SLC35E4: variants seen among roughly 807,000 people sequenced by gnomAD.
SLC35E4 encodes solute carrier family 35, member E4.
SLC35E4 carries 15 observed loss-of-function variants against 19.3 expected under a neutral mutation model. The ratio of observed to expected loss-of-function variants is 0.78; its 90% CI spans 0.52 to 1.20. The LOEUF is 1.20. Among genes scored for constraint, SLC35E4 ranks in the 50% most tolerant of loss-of-function variants. The pLI is 0.00. For missense variants in SLC35E4, 406 were observed against 472.3 expected (o/e 0.86, Z 1.30); for synonymous variants, 219 against 219.9 (o/e 1.00, Z 0.04).
At position 30,655,241 on chromosome 22, in the gene SLC35E4, A is replaced by G. The variant is rs1256828428; in HGVS notation, c.*8+5988A>G. On this transcript the variant is annotated intron_variant, in intron 2 of 2. Coordinates refer to the SLC35E4 transcript ENST00000406566. ...GAGGCTGAGAAAGGTGGATGGCTAGAGCCCAGGAGTTCCAGACCCATCTGG... is the reference window on the plus strand; with the variant it reads ...GAGGCTGAGAAAGGTGGATGGCTAGGGCCCAGGAGTTCCAGACCCATCTGG... 2.0e-5 allele frequency among the ~76,000 whole-genome samples: 3 copies of G among 151,108 alleles called. No individual in the cohort carries two copies. In the Admixed American group the frequency reaches 2.0e-4, roughly 10 times the overall value.
chr22:30,657,523 C>G (rs1251595639), intron 2 of SLC35E4, among the ~76,000 whole-genome samples: 1 of 151,114 alleles, frequency 6.6e-6, no homozygotes, highest in African/African-American at 2.4e-5. Context: ...CTTTGGGAAG[C>G]AAAGACAGGT....
chr22:30,650,685 T>C (rs1280436442), downstream of SLC35E4, among the ~76,000 whole-genome samples: 1 of 152,088 alleles, frequency 6.6e-6, no homozygotes, highest in African/African-American at 2.4e-5. Flanking sequence ...GACAAAGGCC[T>C]AGGAAGGCCT....
Position 30,636,503 on chromosome 22 carries a change from T to C in SLC35E4, c.53T>C (p.Val18Ala), listed in dbSNP as rs557398990. 249 of 1,537,300 alleles carry C rather than the reference T, an allele frequency of 1.6e-4. 1 individual carries two copies. Among genetic ancestry groups the C allele is most frequent in the Middle Eastern group, 7.1e-4 (4 of 5,614 alleles). Residue 18 changes from valine (V) to alanine (A), a missense_variant, in exon 1 of 2, where the codon GTA becomes GCA. Physicochemically the swap from Val to Ala is moderately conservative, Grantham distance 64. Transcript: ENST00000343605. ...GATGGCAGGATGACCTCAGCCGAAG[T>C]AGGAGCAGCAGCTGGTGGTGCTCAG... Reference protein sequence around the residue: ...HHDGRMTSAEVGAAAGGAQAA... With the variant: ...HHDGRMTSAEAGAAAGGAQAA...
intron 1 of SLC35E4, among the ~76,000 whole-genome samples, chr22:30,639,862 T>C (rs1018156341): frequency 6.6e-6 from 1 of 152,114 alleles, no homozygotes; most frequent in Non-Finnish European, 1.5e-5. Flanking sequence ...CATCACAGGG[T>C]CCTGAGGCGA....
Position 30,646,737 on chromosome 22 carries a change from C to A in SLC35E4, c.759C>A (p.Arg253=), listed in dbSNP as rs975433606. Residue 253 remains arginine (R), a synonymous_variant, in exon 2 of 2, where the codon CGC becomes CGA. Coordinates refer to ENST00000343605, the MANE Select transcript of SLC35E4 (RefSeq NM_001001479.4). ...CACCGCCCACTGCTGGCGACTCTCG[C>A]CTCTGGGCCTGCATCCTGCTCAGCT... ...VAPPPTAGDS[R]LWACILLSCL... is the part of the protein sequence containing the mutation. 1.4e-5 allele frequency: 23 copies of A among 1,613,436 alleles called. No individual in the cohort carries two copies. The highest frequency in any genetic ancestry group is 1.8e-5 in the Non-Finnish European group (21 of 1,179,902).
chr22:30,658,592 A>G (rs1483834543), intron 2 of SLC35E4, among the ~76,000 whole-genome samples: 1 of 151,924 alleles, frequency 6.6e-6, no homozygotes, highest in Non-Finnish European at 1.5e-5. Flanking sequence ...AAGCAGGGAG[A>G]CTAAAGGACC....
At chr22:30,658,321 T>C (rs1466032578) in intron 2 of SLC35E4, among the ~76,000 whole-genome samples, 1 of 150,978 alleles carries the variant, frequency 6.6e-6, no homozygotes, top group East Asian at 2.0e-4. Context: ...GGAGGATCAC[T>C]TGAGGCCAGG....
Position 30,645,819 on chromosome 22 carries a change from AT to A in SLC35E4, c.620-760del, listed in dbSNP as rs1179064724. On this transcript the variant is annotated intron_variant, in intron 1 of 1. Transcript: ENST00000343605. ...AGGCATAAGCCACTGTACCTGACCG[AT>A]TTTTTTTTTTTTTTTTTTAAGACAG... Among the ~76,000 whole-genome samples, 760 of 122,780 alleles carry A rather than the reference AT, an allele frequency of 6.2e-3. 3 individuals carry two copies. The highest frequency in any genetic ancestry group is 9.2e-3 in the Middle Eastern group (2 of 218). The allele number at this position is 122,780 out of a possible 152,430, so 80.5% of individuals were successfully genotyped here.
At chr22:30,651,168 C>A (rs2088202214), downstream of SLC35E4, among the ~76,000 whole-genome samples, 1 of 151,598 alleles carries the variant, frequency 6.6e-6, no homozygotes, top group Non-Finnish European at 1.5e-5. Flanking sequence ...TAATGGAGGA[C>A]CACGAGAGGT....
intron 2 of SLC35E4, chr22:30,654,675 CT>C: frequency 2.3e-6 from 1 of 428,954 alleles, no homozygotes; most frequent in Non-Finnish European, 4.5e-6. Flanking sequence ...ACTTCAACTT[CT>C]TTCTATAGAC....
chr22:30,651,503 C>T (rs1032321006), downstream of SLC35E4, among the ~76,000 whole-genome samples: 1 of 131,368 alleles, frequency 7.6e-6, no homozygotes, highest in African/African-American at 3.0e-5. Context: ...TGGTCTTGAA[C>T]TCCTGACCTC....
At chr22:30,637,194 G>A (rs1424651137) in intron 1 of SLC35E4, 125 bp downstream of exon 1, 10 of 1,398,488 alleles carry the variant, frequency 7.2e-6, no homozygotes, top group Non-Finnish European at 8.5e-6. Context: ...CATGGCTGTG[G>A]AGGAAGCAGA....
rs1177828431 is a variant in SLC35E4, at chr22:30,647,502, G to A, written c.*471G>A. 6.3e-6 allele frequency: 1 copy of A among 159,934 alleles called. No individual in the cohort carries two copies. The highest frequency in any genetic ancestry group is 1.4e-5 in the Non-Finnish European group (1 of 73,442). 9.9% of individuals were successfully genotyped at this position (159,934 alleles called of 1,614,324 possible). ...GGGCTGCCTTGGAGATTGGAATGGG[G>A]ACTCCCAGGGAGACCTGCGTTCCAT... On this transcript the variant is annotated 3_prime_UTR_variant, in exon 2 of 2. Coordinates refer to ENST00000343605, the MANE Select transcript of SLC35E4 (RefSeq NM_001001479.4).
At chr22:30,649,486 G>T (rs560557598), downstream of SLC35E4, among the ~76,000 whole-genome samples, 1 of 128,884 alleles carries the variant, frequency 7.8e-6, no homozygotes, top group Non-Finnish European at 1.7e-5. Flanking sequence ...GCCAGCCCAC[G>T]GCGGGGTGGG....
intron 1 of SLC35E4, among the ~76,000 whole-genome samples, chr22:30,643,636 G>T (rs116589091): frequency 3.2e-4 from 48 of 152,236 alleles, no homozygotes; most frequent in Admixed American, 2.6e-3. Context: ...ATCACACAGG[G>T]CATCAGGCCC....
At chr22:30,654,072 C>T (rs986541237) in intron 2 of SLC35E4, 17 of 179,292 alleles carry the variant, frequency 9.5e-5, no homozygotes, top group Admixed American at 2.4e-4. Flanking sequence ...CTCCGCCCCA[C>T]GGGTTCACGC....
chr22:30,667,729 A>G (rs2088730001), downstream of SLC35E4: 1 of 152,748 alleles, frequency 6.5e-6, no homozygotes, highest in South Asian at 2.1e-4. Flanking sequence ...AGCCGGGGTC[A>G]CTGCAGTCCC....
At position 30,646,715 on chromosome 22, in the gene SLC35E4, C is replaced by T. The variant is rs151306839; in HGVS notation, c.737C>T (p.Pro246Leu). Residue 246 changes from proline to leucine, a missense_variant, in exon 2 of 2, where the codon CCG becomes CTG. Pro to Leu is a moderately conservative substitution (Grantham distance 98). Transcript: ENST00000343605. The part of the protein sequence containing the change: ...ALVLEAGVAP[P>L]PTAGDSRLWA... ...GTGCTGGAGGCTGGCGTTGCCCCAC[C>T]GCCCACTGCTGGCGACTCTCGCCTC... 2.9e-4 allele frequency: 464 copies of T among 1,612,688 alleles called. 1 individual carries two copies. Among genetic ancestry groups the T allele is most frequent in the African/African-American group, 5.3e-4 (40 of 75,056 alleles).
downstream of SLC35E4, among the ~76,000 whole-genome samples, chr22:30,649,429 G>A (rs971557469): frequency 9.2e-5 from 14 of 152,210 alleles, no homozygotes; most frequent in East Asian, 7.7e-4. Flanking sequence ...ACCAGAATTC[G>A]TAAGGGACCA....
Sources: allele counts gnomAD v4.1 joint callset (sites outside exome capture counted in the v4.1 genomes callset), GRCh38; gene constraint gnomAD v4.1.1; transcripts MANE v1.5; gene names NCBI Gene and HGNC (gene_info 2026-07-23, HGNC 2026-07-21).